The following PHLPP2 variants were observed in gnomAD, a reference collection of about 807,000 sequenced individuals.
PHLPP2 encodes PH domain leucine-rich repeat-containing protein phosphatase 2.
A neutral mutation model predicts 124.9 loss-of-function variants in PHLPP2; 66 were observed. That is an observed-to-expected ratio of 0.53 (90% confidence interval 0.43 to 0.65). PHLPP2 has a LOEUF of 0.65. PHLPP2 is among the 30% of genes least tolerant of loss of function. PHLPP2 has a pLI of 0.00. For synonymous variants in PHLPP2, 681 were observed against 624.7 expected (o/e 1.09, Z -1.34); for missense variants, 1,685 against 1,600.4 (o/e 1.05, Z -0.90).
chr16:71,667,101 G>T, intron 12 of PHLPP2, 77 bp downstream of exon 12: 1 of 1,228,520 alleles, frequency 8.1e-7, no homozygotes, highest in Admixed American at 2.1e-5. Flanking sequence ...AGTTCCAAAG[G>T]TCACTCCAAT....
rs1176400184 is a variant in PHLPP2, at chr16:71,680,434, T to C, written c.891-899A>G. Among the ~76,000 whole-genome samples the C allele has an allele frequency of 2.0e-5, 3 of 152,230 alleles. No homozygotes were observed. The East Asian group carries it at 5.8e-4, about 29-fold the overall frequency. ...ACAAAATAATTTTTAGTGCTTCTATTTTGTTCATGGAAGTAAAAGTATCTA... is the reference window on the plus strand; with the variant it reads ...ACAAAATAATTTTTAGTGCTTCTATCTTGTTCATGGAAGTAAAAGTATCTA... On this transcript the variant is annotated intron_variant, in intron 6 of 18. Transcript: ENST00000568954.
At chr16:71,657,725 GGACT>G (rs1305235787) in intron 15 of PHLPP2, among the ~76,000 whole-genome samples, 4 of 152,082 alleles carry the variant, frequency 2.6e-5, no homozygotes, top group South Asian at 2.1e-4. Flanking sequence ...AATAATCTAT[GGACT>G]GACTAAGATT....
At chr16:71,658,429 T>A in intron 14 of PHLPP2, 66 bp from the exon 15 acceptor site, 7 of 1,433,658 alleles carry the variant, frequency 4.9e-6, no homozygotes, top group Non-Finnish European at 6.7e-6. Flanking sequence ...CTCCCAAGTG[T>A]CCAATCTCTT....
chr16:71,658,341 T>G lies in PHLPP2; in HGVS notation c.2171A>C (p.Asp724Ala). The change falls in exon 15 of 19, where the codon GAC becomes GCC. Residue 724 changes from aspartate (D) to alanine (A), a missense_variant. Coordinates refer to ENST00000568954, the MANE Select transcript of PHLPP2 (RefSeq NM_015020.3). ...QIQFVDLSCN[D>A]LTEILIPEAL... The stretch of plus-strand genomic sequence containing the variant: ...CTCTGGAATCAGGATTTCTGTCAAG[T>G]CGTTGCAACTTAGGTCTACAAACTA... 1.2e-6 allele frequency: 2 copies of G among 1,613,946 alleles called. No homozygotes were observed. The highest frequency in any genetic ancestry group is 8.5e-7 in the Non-Finnish European group (1 of 1,179,884).
At position 71,714,585 on chromosome 16, in the gene PHLPP2, T is replaced by C. The variant is rs1567630586; in HGVS notation, c.211A>G (p.Thr71Ala). The change falls in exon 2 of 19, where the codon ACA (threonine) becomes GCA (alanine). Residue 71 changes from threonine to alanine, a missense_variant. Physicochemically the swap from Thr to Ala is moderately conservative, Grantham distance 58. Transcript: ENST00000568954. The part of the protein sequence containing the change: ...DLHLVLCTVE[T>A]PASEICAGEG... ...CCAGCACATATTTCTGATGCTGGTGTCTCTACAGTGCAAAGGACGAGATGT... is the reference window on the plus strand; with the variant it reads ...CCAGCACATATTTCTGATGCTGGTGCCTCTACAGTGCAAAGGACGAGATGT... The C allele has an allele frequency of 1.2e-6, 2 of 1,614,052 alleles. No individual in the cohort carries two copies. The highest frequency in any genetic ancestry group is 1.7e-6 in the Non-Finnish European group (2 of 1,179,976).
chr16:71,659,075 C>T (rs1326951933), intron 13 of PHLPP2, among the ~76,000 whole-genome samples: 1 of 152,028 alleles, frequency 6.6e-6, no homozygotes, highest in African/African-American at 2.4e-5. Flanking sequence ...CTTCCTGTTA[C>T]CTAATGTACA....
Position 71,684,578 on chromosome 16 carries a change from T to C in PHLPP2, c.633A>G (p.Gln211=), listed in dbSNP as rs777102407. The change falls in exon 5 of 19, where the codon CAA becomes CAG. Residue 211 remains glutamine (Q), a synonymous_variant. Coordinates refer to ENST00000568954, the MANE Select transcript of PHLPP2 (RefSeq NM_015020.3). ...CTGCTGAGCTGAAAGCAAGGGAGTA[T>C]TGCCGTCGCTTCACTTCTTCTATCT... is the stretch of plus-strand genomic sequence containing the variant. The part of the protein sequence containing the change: ...GGKIEEVKRR[Q]YSLAFSSAGA... 5.6e-6 allele frequency: 9 copies of C among 1,613,412 alleles called. No homozygotes were observed. The highest frequency in any genetic ancestry group is 7.6e-6 in the Non-Finnish European group (9 of 1,179,652).
intron 6 of PHLPP2, among the ~76,000 whole-genome samples, chr16:71,681,490 A>G (rs989454731): frequency 2.0e-5 from 3 of 152,216 alleles, no homozygotes; most frequent in African/African-American, 7.2e-5. Flanking sequence ...GTAACTTGGC[A>G]GCAGATCATA....
intron 9 of PHLPP2, among the ~76,000 whole-genome samples, chr16:71,674,497 C>T (rs955218528): frequency 6.6e-5 from 10 of 151,076 alleles, no homozygotes; most frequent in East Asian, 3.9e-4. Flanking sequence ...ATATTTATAA[C>T]GAAGAAAACA....
intron 13 of PHLPP2, among the ~76,000 whole-genome samples, chr16:71,661,351 G>C (rs140859306): frequency 8.5e-5 from 13 of 152,140 alleles, no homozygotes; most frequent in Admixed American, 8.5e-4. Context: ...GATTACAGGC[G>C]TGAGCCACCG....
rs74027273 is a variant in PHLPP2, at chr16:71,644,957, T to C, written c.*3933A>G. 5.3e-4 allele frequency: 166 copies of C among 311,154 alleles called. 1 individual carries two copies. The highest frequency in any genetic ancestry group is 3.3e-3 in the African/African-American group (146 of 44,700). 19.3% of individuals were successfully genotyped at this position (311,154 alleles called of 1,614,324 possible). A position where few individuals can be genotyped will look rare whatever the true frequency, so the allele number is the denominator to read the frequency against. On this transcript the variant is annotated 3_prime_UTR_variant, in exon 19 of 19. Coordinates refer to ENST00000568954, the MANE Select transcript of PHLPP2 (RefSeq NM_015020.3). ...CAAAGCCATGAAAAAGATTCCACTT[T>C]ATTTTATTTATTATTGTTATTGTTA...
intron 2 of PHLPP2, among the ~76,000 whole-genome samples, chr16:71,710,194 T>C (rs2045314601): frequency 6.6e-6 from 1 of 152,116 alleles, no homozygotes; most frequent in Admixed American, 6.6e-5. Context: ...ACCTAAATTC[T>C]GTAACTCTTC....
chr16:71,649,291 TAGG>T lies in PHLPP2; in HGVS notation c.3568_3570del (p.Pro1190del), dbSNP rs2044676673. ...CTAGCATGTTCCTCAGAACACAGGG[TAGG>T]AGAACTCTCTATGAGAGGGGGTGAG... On this transcript the variant is annotated inframe_deletion, in exon 19 of 19. Coordinates refer to ENST00000568954, the MANE Select transcript of PHLPP2 (RefSeq NM_015020.3). The T allele has an allele frequency of 6.2e-7, 1 of 1,613,946 alleles. No homozygotes were observed. Among genetic ancestry groups the T allele is most frequent in the Non-Finnish European group, 8.5e-7 (1 of 1,179,942 alleles).
Position 71,656,646 on chromosome 16 carries a change from A to C in PHLPP2, c.2315T>G (p.Leu772Trp). ...ITTLKIDQKPLPTTDSTVTST... is the reference protein window; with the variant it reads ...ITTLKIDQKPWPTTDSTVTST... ...CGTAACTGTAGAATCTGTGGTTGGC[A>C]AAGGTTTCTGATCAATTTTCAGGGT... is the stretch of plus-strand genomic sequence containing the variant. Residue 772 changes from leucine to tryptophan, a missense_variant, in exon 16 of 19, where the codon TTG (leucine) becomes TGG (tryptophan). Transcript: ENST00000568954. The C allele has an allele frequency of 6.2e-7, 1 of 1,613,558 alleles. No individual in the cohort carries two copies. The highest frequency in any genetic ancestry group is 2.2e-5 in the East Asian group (1 of 44,878).
At chr16:71,694,622 A>C (rs959753134) in intron 3 of PHLPP2, among the ~76,000 whole-genome samples, 2 of 152,180 alleles carry the variant, frequency 1.3e-5, no homozygotes, top group East Asian at 3.8e-4. Context: ...ATACATGCAG[A>C]AGTCCTTTAA....
intron 3 of PHLPP2, among the ~76,000 whole-genome samples, chr16:71,699,929 C>G (rs534410257): frequency 2.0e-5 from 3 of 152,214 alleles, no homozygotes; most frequent in African/African-American, 7.2e-5. Flanking sequence ...TGGAGCACAA[C>G]AGACCCCAGT....
chr16:71,648,780 AAAC>A lies in PHLPP2; in HGVS notation c.*107_*109del. 1.2e-5 allele frequency: 10 copies of A among 852,850 alleles called. No homozygotes were observed. The highest frequency in any genetic ancestry group is 1.9e-5 in the Non-Finnish European group (10 of 540,368). 52.8% of individuals were successfully genotyped at this position (852,850 alleles called of 1,614,324 possible). A position where few individuals can be genotyped will look rare whatever the true frequency, so the allele number is the denominator to read the frequency against. ...AGCAAGACTCCGTCTCAAAACAAAC[AAAC>A]AAAAAAAAAACGAACAAACAAAAAG... On this transcript the variant is annotated 3_prime_UTR_variant, in exon 19 of 19. Coordinates refer to ENST00000568954, the MANE Select transcript of PHLPP2 (RefSeq NM_015020.3).
At chr16:71,668,661 A>T (rs2044863218) in intron 11 of PHLPP2, among the ~76,000 whole-genome samples, 1 of 151,626 alleles carries the variant, frequency 6.6e-6, no homozygotes, top group Non-Finnish European at 1.5e-5. Context: ...ACTGAGGGGG[A>T]GCTGAGGACA....
intron 4 of PHLPP2, among the ~76,000 whole-genome samples, chr16:71,686,766 T>C (rs945137730): frequency 2.6e-5 from 4 of 151,706 alleles, no homozygotes; most frequent in African/African-American, 9.8e-5. Context: ...TCAGCAGTTC[T>C]TTCCCTTTTT....
Sources: allele counts gnomAD v4.1 joint callset (sites outside exome capture counted in the v4.1 genomes callset), GRCh38; gene constraint gnomAD v4.1.1; transcripts MANE v1.5; gene names NCBI Gene and HGNC (gene_info 2026-07-23, HGNC 2026-07-21).